FRMD4A: variants seen among roughly 807,000 people sequenced by gnomAD.
FRMD4A encodes FERM domain containing 4A, also known as FERM domain-containing protein 4A.
In FRMD4A, 29 loss-of-function variants were observed where a neutral mutation model predicts 129.1. That is an observed-to-expected ratio of 0.22 (90% CI 0.17 to 0.31). The LOEUF (loss-of-function observed/expected upper bound fraction) is 0.31, where lower values mean the gene tolerates loss of function less well. FRMD4A is among the 10% of genes least tolerant of loss of function. The probability of loss-of-function intolerance (pLI) is 1.00; values close to 1 mark genes in which losing one functional copy is unlikely to be tolerated. For synonymous variants in FRMD4A, 634 were observed against 571.6 expected (o/e 1.11, Z -1.56); for missense variants, 1,272 against 1,375.8 (o/e 0.92, Z 1.19).
Position 14,223,746 on chromosome 10 carries a change from GA to G in FRMD4A, c.45+106311del, listed in dbSNP as rs1160672002. Among the ~76,000 whole-genome samples, 367 of 63,224 alleles carry G rather than the reference GA, an allele frequency of 5.8e-3. 3 individuals are homozygous for G. The highest frequency in any genetic ancestry group is 0.02 in the East Asian group (40 of 2,000). The allele number at this position is 63,224 out of a possible 152,430, so 41.5% of individuals were successfully genotyped here. A position where few individuals can be genotyped will look rare whatever the true frequency, so the allele number is the denominator to read the frequency against. On this transcript the variant is annotated intron_variant, in intron 2 of 24. Coordinates refer to ENST00000357447, the MANE Select transcript of FRMD4A (RefSeq NM_018027.5). ...ACAGAGCAAGACCATGTCTCAAAAT[GA>G]AAAAAAAAAAAAAAAAAGAGAGAGA...
chr10:13,721,677 C>A (rs927560435), intron 12 of FRMD4A, among the ~76,000 whole-genome samples: 2 of 152,222 alleles, frequency 1.3e-5, no homozygotes, highest in African/African-American at 4.8e-5. Context: ...CTTCTTCCAG[C>A]CTGTCAGCAC....
In FRMD4A at chr10:14,109,638, C is replaced by A. The variant is rs147324777; in HGVS notation, c.45+220420G>T. Among the ~76,000 whole-genome samples the A allele has an allele frequency of 3.8e-3, 581 of 152,264 alleles. 2 individuals are homozygous for A. Among genetic ancestry groups the A allele is most frequent in the Non-Finnish European group, 6.0e-3 (405 of 68,026 alleles). On this transcript the variant is annotated intron_variant, in intron 2 of 24. Coordinates refer to ENST00000357447, the MANE Select transcript of FRMD4A (RefSeq NM_018027.5). ...ATTCATCAAGAATTTGTGTCAACTT[C>A]TCAATGTAATGCCTAGAAGTTTACA...
At chr10:13,849,185 C>T (rs2094104715) in intron 3 of FRMD4A, among the ~76,000 whole-genome samples, 2 of 152,198 alleles carry the variant, frequency 1.3e-5, no homozygotes, top group South Asian at 4.1e-4. Flanking sequence ...GCCTGGTGGC[C>T]TGGGAGGTCC....
At chr10:13,675,216 C>T (rs1053158636) in intron 15 of FRMD4A, among the ~76,000 whole-genome samples, 172 bp from the exon 16 acceptor site, 7 of 152,206 alleles carry the variant, frequency 4.6e-5, no homozygotes, top group Non-Finnish European at 7.3e-5. Flanking sequence ...CATTCCAGCA[C>T]TGCATGGAAT....
intron 13 of FRMD4A, among the ~76,000 whole-genome samples, chr10:13,703,083 G>C (rs1000233910): frequency 6.6e-6 from 1 of 152,126 alleles, no homozygotes; most frequent in Admixed American, 6.5e-5. Flanking sequence ...CTTGCTCTTG[G>C]AAATAAATGA....
intron 6 of FRMD4A, among the ~76,000 whole-genome samples, chr10:13,775,534 C>T (rs376427776): frequency 4.9e-4 from 75 of 152,250 alleles, no homozygotes; most frequent in African/African-American, 1.6e-3. Flanking sequence ...TTCCCATATG[C>T]GCTTTCTCTG....
At chr10:14,022,817 G>A (rs73591241) in intron 2 of FRMD4A, among the ~76,000 whole-genome samples, 2,317 of 152,320 alleles carry the variant, frequency 0.015, 62 homozygotes, top group African/African-American at 0.053. Context: ...AGCTGGGAAA[G>A]GAGACGAAGG....
chr10:13,765,675 C>T (rs1384163262), intron 6 of FRMD4A, among the ~76,000 whole-genome samples: 15 of 152,084 alleles, frequency 9.9e-5, no homozygotes, highest in African/African-American at 3.6e-4. Context: ...AGCTTTACGG[C>T]GGTTGGAATT....
intron 13 of FRMD4A, among the ~76,000 whole-genome samples, chr10:13,705,970 A>C (rs943073898): frequency 3.9e-5 from 6 of 152,136 alleles, no homozygotes; most frequent in African/African-American, 7.2e-5. Context: ...CTGCAGGAAC[A>C]GGGGCTACTG....
At chr10:14,071,026 G>A (rs993172706) in intron 2 of FRMD4A, among the ~76,000 whole-genome samples, 1 of 152,214 alleles carries the variant, frequency 6.6e-6, no homozygotes, top group Non-Finnish European at 1.5e-5. Context: ...TCTGGAAAAA[G>A]GCTTAGACAG....
intron 2 of FRMD4A, among the ~76,000 whole-genome samples, chr10:14,307,321 G>A (rs1273528825): frequency 3.3e-5 from 5 of 152,188 alleles, no homozygotes; most frequent in Non-Finnish European, 7.3e-5. Flanking sequence ...CAATCAGGGA[G>A]AATGTCCACA....
intron 2 of FRMD4A, among the ~76,000 whole-genome samples, chr10:14,298,836 C>G (rs544141175): frequency 3.9e-5 from 6 of 152,190 alleles, no homozygotes; most frequent in African/African-American, 1.4e-4. Context: ...GGAGGACACT[C>G]GAGTGAGGCA....
At chr10:13,688,112 G>C (rs1178535084) in intron 15 of FRMD4A, among the ~76,000 whole-genome samples, 2 of 152,144 alleles carry the variant, frequency 1.3e-5, no homozygotes, top group African/African-American at 4.8e-5. Flanking sequence ...TCAAGAATCT[G>C]GTGACAGCAT....
chr10:13,785,187 T>C (rs886416081), intron 5 of FRMD4A, among the ~76,000 whole-genome samples: 2 of 152,216 alleles, frequency 1.3e-5, no homozygotes, highest in African/African-American at 2.4e-5. Context: ...GAGGCTGCTG[T>C]GATGAATACA....
intron 2 of FRMD4A, among the ~76,000 whole-genome samples, chr10:14,270,793 C>T (rs979771537): frequency 6.6e-6 from 1 of 152,120 alleles, no homozygotes; most frequent in Non-Finnish European, 1.5e-5. Context: ...CGGTACGTTT[C>T]GGGTCACAAA....
chr10:13,659,595 C>G, intron 20 of FRMD4A, 105 bp from the exon 21 acceptor site: 1 of 1,143,472 alleles, frequency 8.7e-7, no homozygotes. Context: ...GAAAGCTCGC[C>G]CGTGACTCCC....
At chr10:13,764,187 G>GTA (rs1554886249) in intron 6 of FRMD4A, among the ~76,000 whole-genome samples, 1 of 136,786 alleles carries the variant, frequency 7.3e-6, no homozygotes, top group Non-Finnish European at 1.7e-5. Context: ...AGATTTCCGT[G>GTA]TGTGTGTGTG....
intron 3 of FRMD4A, among the ~76,000 whole-genome samples, chr10:13,826,110 T>C (rs1226121340): frequency 6.6e-6 from 1 of 152,222 alleles, no homozygotes; most frequent in Non-Finnish European, 1.5e-5. Flanking sequence ...TCACGAGGAC[T>C]CAATAAATGA....
chr10:13,869,620 G>A (rs536401975), intron 2 of FRMD4A, among the ~76,000 whole-genome samples: 1 of 152,346 alleles, frequency 6.6e-6, no homozygotes, highest in Admixed American at 6.5e-5. Context: ...GGCAGAAGCC[G>A]CTCACAGGTG....
Sources: allele counts gnomAD v4.1 joint callset (sites outside exome capture counted in the v4.1 genomes callset), GRCh38; gene constraint gnomAD v4.1.1; transcripts MANE v1.5; gene names NCBI Gene and HGNC (gene_info 2026-07-23, HGNC 2026-07-21).